Variants in LHPP observed in about 807,000 individuals in gnomAD.
LHPP encodes the protein hLHPP.
In LHPP, 24 loss-of-function variants were observed where a neutral mutation model predicts 30.3. That is an observed-to-expected ratio of 0.79 (90% CI 0.57 to 1.11). The LOEUF (loss-of-function observed/expected upper bound fraction) is 1.11, where lower values mean the gene tolerates loss of function less well. LHPP is among the 50% of genes most tolerant of loss of function. The probability of loss-of-function intolerance (pLI) is 0.00; values close to 1 mark genes in which losing one functional copy is unlikely to be tolerated. For missense variants in LHPP, 356 were observed against 367.2 expected, an observed-to-expected ratio of 0.97 and a Z score of 0.25; for synonymous variants, 150 against 157.1, an observed-to-expected ratio of 0.95 and a Z score of 0.34.
At chr10:124,604,645 G>C (rs1949069484) in intron 6 of LHPP, among the ~76,000 whole-genome samples, 1 of 152,144 alleles carries the variant, frequency 6.6e-6, no homozygotes. Context: ...CCCTTGCCCG[G>C]CCTCACTACC....
chr10:124,543,843 A>C (rs897282), intron 6 of LHPP, among the ~76,000 whole-genome samples: 17,648 of 152,290 alleles, frequency 0.12, 1,408 homozygotes, highest in Non-Finnish European at 0.16. Context: ...ATCACAAAGA[A>C]AATAATCCAC....
chr10:124,580,521 TTC>T (rs1948729695), intron 6 of LHPP, among the ~76,000 whole-genome samples: 1 of 152,192 alleles, frequency 6.6e-6, no homozygotes, highest in Admixed American at 6.5e-5. Flanking sequence ...AGTCCACCTT[TTC>T]TCTCACTGAC....
At chr10:124,487,442 C>CTTT (rs140426240) in intron 2 of LHPP, among the ~76,000 whole-genome samples, 2 of 107,782 alleles carry the variant, frequency 1.9e-5, no homozygotes, top group Admixed American at 8.9e-5. Context: ...TTCTTTCTTT[C>CTTT]TTTTTTTTTT....
chr10:124,502,605 G>A (rs1404743021), intron 5 of LHPP, among the ~76,000 whole-genome samples: 7 of 148,594 alleles, frequency 4.7e-5, no homozygotes, highest in Non-Finnish European at 1.0e-4. Context: ...TCCTGACCTC[G>A]TGATCTGCCC....
At chr10:124,608,555 C>T (rs1025966922) in intron 6 of LHPP, among the ~76,000 whole-genome samples, 2 of 152,240 alleles carry the variant, frequency 1.3e-5, no homozygotes, top group South Asian at 2.1e-4. Flanking sequence ...CCTGAGGTCA[C>T]GTGGCTGGTA....
rs182328542 is a variant in LHPP at position 124,556,738 on chromosome 10, A to G, written c.716+39467A>G. Among the ~76,000 whole-genome samples the G allele has an allele frequency of 1.1e-4, 17 of 152,316 alleles. No homozygotes were observed. In the East Asian group the frequency reaches 3.3e-3, roughly 29 times the overall value. The stretch of plus-strand genomic sequence containing the variant: ...AACGCGCCTCCATCAATGGGAAAAG[A>G]ATGGGATCTTCTTTGATTGATAATG... On this transcript the variant is annotated intron_variant, in intron 6 of 6. Transcript: ENST00000368842.
intron 1 of LHPP, among the ~76,000 whole-genome samples, chr10:124,469,208 C>G (rs1421760592): frequency 6.6e-6 from 1 of 151,844 alleles, no homozygotes; most frequent in Non-Finnish European, 1.5e-5. Flanking sequence ...GGTGGGGGGT[C>G]TTAGGGTTGG....
At chr10:124,549,466 A>T (rs1055413082) in intron 6 of LHPP, among the ~76,000 whole-genome samples, 1 of 152,102 alleles carries the variant, frequency 6.6e-6, no homozygotes, top group Non-Finnish European at 1.5e-5. Context: ...TGGCCAATGA[A>T]TTTTATCAGC....
chr10:124,527,297 G>A (rs936288424), intron 6 of LHPP, among the ~76,000 whole-genome samples: 1 of 152,204 alleles, frequency 6.6e-6, no homozygotes, highest in Non-Finnish European at 1.5e-5. Context: ...TTTCCAGCCT[G>A]GAAAAGTGAA....
At chr10:124,491,692 A>T (rs11245185) in intron 3 of LHPP, among the ~76,000 whole-genome samples, 23,379 of 152,248 alleles carry the variant, frequency 0.15, 2,213 homozygotes, top group Non-Finnish European at 0.2. Context: ...TGGGAGGACA[A>T]GGTGGGCAGA....
intron 1 of LHPP, among the ~76,000 whole-genome samples, chr10:124,473,381 C>T (rs1222782623): frequency 6.6e-6 from 1 of 152,170 alleles, no homozygotes; most frequent in Non-Finnish European, 1.5e-5. Flanking sequence ...CTTATTCAGA[C>T]ACCTTTTGAG....
chr10:124,527,658 C>G (rs540081434), intron 6 of LHPP, among the ~76,000 whole-genome samples: 1 of 152,358 alleles, frequency 6.6e-6, no homozygotes, highest in African/African-American at 2.4e-5. Context: ...GCCCCACCCT[C>G]CAGAGGGGGA....
chr10:124,543,777 A>G (rs897283), intron 6 of LHPP, among the ~76,000 whole-genome samples: 122,429 of 152,230 alleles, frequency 0.8, 51,598 homozygotes, highest in Non-Finnish European at 0.92. Context: ...AAAAATTAAT[A>G]TATTTTTTTT....
At chr10:124,530,199 G>T (rs915442970) in intron 6 of LHPP, among the ~76,000 whole-genome samples, 11 of 152,116 alleles carry the variant, frequency 7.2e-5, no homozygotes, top group African/African-American at 2.4e-4. Context: ...CTGGCATCCT[G>T]CCTGCCGCCT....
At chr10:124,502,485 C>T (rs909891337) in intron 5 of LHPP, among the ~76,000 whole-genome samples, 1 of 151,486 alleles carries the variant, frequency 6.6e-6, no homozygotes, top group Non-Finnish European at 1.5e-5. Context: ...CTGCCTCAGC[C>T]TCCCAAGTAG....
In LHPP at chr10:124,504,849, G is replaced by A. The variant is rs141634232; in HGVS notation, c.624+6721G>A. ...TCACCGCCGAAAGAAGACCCCTCAT[G>A]GGGGTCTGGTGAATCTGGGTTTGTC... On this transcript the variant is annotated intron_variant, in intron 5 of 6. Coordinates refer to ENST00000368842, the MANE Select transcript of LHPP (RefSeq NM_022126.4). 4.3e-3 allele frequency among the ~76,000 whole-genome samples: 649 copies of A among 152,262 alleles called. 4 individuals are homozygous for A. Among genetic ancestry groups the A allele is most frequent in the African/African-American group, 0.015 (631 of 41,544 alleles).
chr10:124,614,141 AG>A (rs1366090378), downstream of LHPP: 2 of 152,374 alleles, frequency 1.3e-5, no homozygotes, highest in African/African-American at 2.4e-5. Context: ...CTTGACCAGC[AG>A]CCTTTGACTC....
At chr10:124,527,423 CTG>C (rs559181482) in intron 6 of LHPP, among the ~76,000 whole-genome samples, 21 of 152,366 alleles carry the variant, frequency 1.4e-4, no homozygotes, top group African/African-American at 5.0e-4. Flanking sequence ...ACAGGTTCCT[CTG>C]TGTCATGGGT....
chr10:124,609,040 G>A (rs1295921802), intron 6 of LHPP, among the ~76,000 whole-genome samples: 1 of 152,210 alleles, frequency 6.6e-6, no homozygotes, highest in Non-Finnish European at 1.5e-5. Flanking sequence ...CCTGTCCAGA[G>A]CCCTGGGGGA....
Sources: gnomAD v4.1 joint callset for allele counts (sites outside exome capture counted in the v4.1 genomes callset) on GRCh38, gnomAD v4.1.1 for gene constraint, MANE v1.5 for transcripts, NCBI Gene and HGNC (gene_info 2026-07-23, HGNC 2026-07-21) for gene names.